FUT8: variants seen among roughly 807,000 people sequenced by gnomAD.
FUT8 encodes the protein alpha-(1,6)-fucosyltransferase.
In FUT8, 29 loss-of-function variants were observed where a neutral mutation model predicts 71.3. The ratio of observed to expected loss-of-function variants is 0.41; its 90% CI spans 0.30 to 0.55. FUT8 has a LOEUF of 0.55. Ranked by LOEUF, FUT8 falls within the 20% of genes least tolerant of loss-of-function variation. The pLI, the probability that FUT8 is intolerant of heterozygous loss-of-function variation, is 0.34. For synonymous variants in FUT8, 254 were observed against 239.3 expected (o/e 1.06, Z -0.57); for missense variants, 544 against 702.1 (o/e 0.77, Z 2.55).
chr14:65,717,089 C>T (rs1478153785), intron 7 of FUT8, among the ~76,000 whole-genome samples: 3 of 131,582 alleles, frequency 2.3e-5, no homozygotes, highest in African/African-American at 5.8e-5. Flanking sequence ...CGGGCAGAGG[C>T]GTTCCCCACT....
chr14:65,500,100 T>C (rs1409739975), intron 2 of FUT8, among the ~76,000 whole-genome samples: 1 of 152,184 alleles, frequency 6.6e-6, no homozygotes, highest in African/African-American at 2.4e-5. Flanking sequence ...TAGATTCTTA[T>C]TCAGTAGTTT....
chr14:65,495,356 G>A (rs2066543271), intron 2 of FUT8, among the ~76,000 whole-genome samples: 1 of 152,034 alleles, frequency 6.6e-6, no homozygotes, highest in Non-Finnish European at 1.5e-5. Context: ...TTTCACTTTG[G>A]CTGCTGCTTC....
At chr14:65,695,360 T>C (rs1056177684) in intron 7 of FUT8, among the ~76,000 whole-genome samples, 13 of 152,356 alleles carry the variant, frequency 8.5e-5, no homozygotes, top group South Asian at 4.1e-4. Context: ...ATTATACATA[T>C]TAGGTATAAT....
intron 3 of FUT8, among the ~76,000 whole-genome samples, chr14:65,593,529 C>T (rs1443262698): frequency 6.6e-6 from 1 of 151,808 alleles, no homozygotes; most frequent in Non-Finnish European, 1.5e-5. Flanking sequence ...ATTAAAATAG[C>T]CGTAAAATGA....
chr14:65,664,846 C>G (rs150583962), intron 6 of FUT8, among the ~76,000 whole-genome samples: 2 of 152,244 alleles, frequency 1.3e-5, no homozygotes, highest in East Asian at 3.9e-4. Flanking sequence ...TACCCGTCCT[C>G]TCTCTTGTAG....
At chr14:65,673,425 T>C (rs2140382954) in intron 7 of FUT8, among the ~76,000 whole-genome samples, 1 of 152,328 alleles carries the variant, frequency 6.6e-6, no homozygotes, top group African/African-American at 2.4e-5. Context: ...GAATAAGCAA[T>C]TAAAATATGT....
At chr14:65,576,920 C>T (rs970304152) in intron 3 of FUT8, among the ~76,000 whole-genome samples, 3 of 151,570 alleles carry the variant, frequency 2.0e-5, no homozygotes, top group South Asian at 2.1e-4. Flanking sequence ...GGGTTTTTAC[C>T]GTGTTATCTC....
chr14:65,703,884 A>G (rs2140491924), intron 7 of FUT8, among the ~76,000 whole-genome samples: 1 of 152,368 alleles, frequency 6.6e-6, no homozygotes, highest in Admixed American at 6.5e-5. Context: ...ATTAAGCTAT[A>G]CAGTGTTACA....
chr14:65,694,249 G>T (rs1363664340), intron 7 of FUT8, among the ~76,000 whole-genome samples: 1 of 152,054 alleles, frequency 6.6e-6, no homozygotes, highest in Non-Finnish European at 1.5e-5. Flanking sequence ...TAATATGGAA[G>T]CTTAGATAAT....
intron 3 of FUT8, among the ~76,000 whole-genome samples, chr14:65,602,343 T>A (rs12883108): frequency 0.076 from 3,648 of 48,230 alleles, 314 homozygotes; most frequent in East Asian, 0.15. Context: ...GTTCCATCTC[T>A]CACACACACA....
intron 3 of FUT8, among the ~76,000 whole-genome samples, chr14:65,610,029 A>G (rs1025268974): frequency 6.6e-6 from 1 of 151,884 alleles, no homozygotes; most frequent in East Asian, 1.9e-4. Flanking sequence ...TTGCTAGAAT[A>G]TAGAAATGTA....
chr14:65,426,217 G>A (rs888030824), intron 1 of FUT8, among the ~76,000 whole-genome samples: 2 of 151,724 alleles, frequency 1.3e-5, no homozygotes, highest in African/African-American at 4.8e-5. Context: ...ACGTGTATTT[G>A]TCTTTTTCTG....
chr14:65,612,816 T>A (rs891552162), intron 3 of FUT8, among the ~76,000 whole-genome samples: 1 of 152,224 alleles, frequency 6.6e-6, no homozygotes, highest in Non-Finnish European at 1.5e-5. Flanking sequence ...TTAATACATC[T>A]AACCTGGATT....
At chr14:65,626,516 A>G (rs1053439671) in intron 5 of FUT8, among the ~76,000 whole-genome samples, 32 of 152,146 alleles carry the variant, frequency 2.1e-4, no homozygotes, top group African/African-American at 7.5e-4. Flanking sequence ...AGAAGCCTGG[A>G]CTTTAAAATT....
chr14:65,440,044 A>G (rs187258675), intron 1 of FUT8, among the ~76,000 whole-genome samples: 1 of 147,080 alleles, frequency 6.8e-6, no homozygotes. Flanking sequence ...GGAAGTCTTG[A>G]TATTTATAAG....
At chr14:65,545,686 GTA>G (rs1884950412) in intron 2 of FUT8, among the ~76,000 whole-genome samples, 1 of 151,724 alleles carries the variant, frequency 6.6e-6, no homozygotes, top group Non-Finnish European at 1.5e-5. Flanking sequence ...TAACTGCAGT[GTA>G]TATTTTAATT....
At chr14:65,504,325 T>G (rs1466116628) in intron 2 of FUT8, among the ~76,000 whole-genome samples, 1 of 152,214 alleles carries the variant, frequency 6.6e-6, no homozygotes, top group Non-Finnish European at 1.5e-5. Context: ...GAGACTCAAA[T>G]GTAGGGATAT....
At chr14:65,613,627 T>A (rs1889123929) in intron 3 of FUT8, among the ~76,000 whole-genome samples, 1 of 152,232 alleles carries the variant, frequency 6.6e-6, no homozygotes, top group Admixed American at 6.5e-5. Context: ...TCCTGTTCAA[T>A]GTTAATGCGT....
At chr14:65,495,481 T>A (rs547265367) in intron 2 of FUT8, among the ~76,000 whole-genome samples, 3 of 152,176 alleles carry the variant, frequency 2.0e-5, no homozygotes, top group Non-Finnish European at 4.4e-5. Flanking sequence ...ATGGGAGTTA[T>A]GTGTTCCTCC....
Sources: allele counts gnomAD v4.1 joint callset (sites outside exome capture counted in the v4.1 genomes callset), GRCh38; gene constraint gnomAD v4.1.1; transcripts MANE v1.5; gene names NCBI Gene and HGNC (gene_info 2026-07-23, HGNC 2026-07-21).